Variants in WDR25 observed in about 807,000 individuals in gnomAD.
WDR25 encodes the protein WD repeat domain 25.
Under a neutral mutation model 47.7 loss-of-function variants are expected in WDR25, and 35 were observed. The ratio of observed to expected loss-of-function variants is 0.73; its 90% confidence interval spans 0.56 to 0.97. WDR25 has a LOEUF of 0.97. Ranked by LOEUF, WDR25 falls within the 50% of genes least tolerant of loss-of-function variation. WDR25 has a pLI of 0.00. For synonymous variants in WDR25, 248 were observed against 278.9 expected (o/e 0.89, Z 1.10); for missense variants, 634 against 704.7 (o/e 0.90, Z 1.14).
chr14:100,387,446 C>T (rs1486474973), intron 2 of WDR25, among the ~76,000 whole-genome samples: 2 of 152,152 alleles, frequency 1.3e-5, no homozygotes, highest in Non-Finnish European at 2.9e-5. Flanking sequence ...ATGTACTGAA[C>T]ACTTGGCAGG....
At chr14:100,505,344 A>G (rs908426282) in intron 4 of WDR25, among the ~76,000 whole-genome samples, 1 of 152,190 alleles carries the variant, frequency 6.6e-6, no homozygotes, top group Admixed American at 6.5e-5. Flanking sequence ...TTGAAACGAC[A>G]TTATTTTCCT....
chr14:100,516,391 C>T (rs1014022625), intron 4 of WDR25, among the ~76,000 whole-genome samples: 2 of 152,010 alleles, frequency 1.3e-5, no homozygotes, highest in African/African-American at 2.4e-5. Flanking sequence ...GTTCCTTTCC[C>T]GGTTTGTGTA....
At chr14:100,461,016 C>T (rs1036877141) in intron 2 of WDR25, among the ~76,000 whole-genome samples, 2 of 152,090 alleles carry the variant, frequency 1.3e-5, no homozygotes, top group Admixed American at 6.6e-5. Flanking sequence ...AGTTTGAGAC[C>T]AGCTTGGGCA....
At chr14:100,391,370 G>T (rs1221273971) in intron 2 of WDR25, among the ~76,000 whole-genome samples, 1 of 152,168 alleles carries the variant, frequency 6.6e-6, no homozygotes, top group East Asian at 1.9e-4. Flanking sequence ...GCATATTAAG[G>T]AGCAGCGCCG....
intron 2 of WDR25, among the ~76,000 whole-genome samples, chr14:100,446,643 C>T (rs1040219726): frequency 6.6e-5 from 10 of 151,960 alleles, no homozygotes; most frequent in South Asian, 2.1e-4. Context: ...AAAACAGCAG[C>T]TTGAAATTAA....
chr14:100,515,341 C>T (rs1479512110), intron 4 of WDR25, among the ~76,000 whole-genome samples: 1 of 151,926 alleles, frequency 6.6e-6, no homozygotes, highest in Non-Finnish European at 1.5e-5. Context: ...TCCCCGAAAC[C>T]CCACCCCTCA....
chr14:100,519,876 A>C (rs948716475), intron 4 of WDR25, among the ~76,000 whole-genome samples: 1 of 136,028 alleles, frequency 7.4e-6, no homozygotes, highest in African/African-American at 2.9e-5. Flanking sequence ...TATATACACT[A>C]TATGTATATA....
intron 3 of WDR25, among the ~76,000 whole-genome samples, chr14:100,478,481 G>C (rs891965063): frequency 6.6e-6 from 1 of 152,310 alleles, no homozygotes; most frequent in Non-Finnish European, 1.5e-5. Flanking sequence ...AGTCTTATTT[G>C]AGAACTTCTT....
rs373803493 is a variant in WDR25, at chr14:100,378,044, G to C, written c.-16+1549G>C. On this transcript the variant is annotated intron_variant, in intron 1 of 6. Coordinates refer to ENST00000402312, the MANE Select transcript of WDR25 (RefSeq NM_001161476.3). The stretch of plus-strand genomic sequence containing the variant: ...CCCTCTGCTGTCCTAGGAGTGCCTA[G>C]CACCCTTCTTTTTCTCTGGATTGTG... 2.3e-4 allele frequency among the ~76,000 whole-genome samples: 35 copies of C among 152,304 alleles called. No homozygotes were observed. The East Asian group carries it at 3.9e-3, about 17-fold the overall frequency.
chr14:100,470,898 C>T (rs1308674780), intron 3 of WDR25, among the ~76,000 whole-genome samples: 3 of 152,218 alleles, frequency 2.0e-5, no homozygotes, highest in Non-Finnish European at 4.4e-5. Context: ...AGGACTTCTT[C>T]ACTCCATCCC....
At chr14:100,408,561 T>C (rs1422031156) in intron 2 of WDR25, among the ~76,000 whole-genome samples, 2 of 150,286 alleles carry the variant, frequency 1.3e-5, no homozygotes, top group African/African-American at 4.9e-5. Context: ...TCTCTATAGC[T>C]GAAGGCTAGG....
chr14:100,448,480 C>G lies in WDR25; in HGVS notation c.823-19541C>G, dbSNP rs376697506. On this transcript the variant is annotated intron_variant, in intron 2 of 6. Coordinates refer to ENST00000402312, the MANE Select transcript of WDR25 (RefSeq NM_001161476.3). ...GAAAGAGAAGCACATGCATGCTGGC[C>G]GTGAGTCATGGGCCTGCTAACTTGC... Among the ~76,000 whole-genome samples the G allele has an allele frequency of 1.2e-4, 19 of 152,178 alleles. 1 individual carries two copies. The highest frequency in any genetic ancestry group is 4.6e-4 in the African/African-American group (19 of 41,532).
At chr14:100,391,861 T>A (rs1897153087) in intron 2 of WDR25, among the ~76,000 whole-genome samples, 5 of 152,220 alleles carry the variant, frequency 3.3e-5, no homozygotes, top group Admixed American at 3.3e-4. Flanking sequence ...TATTTGCCTT[T>A]TCCATTCTCC....
chr14:100,477,264 A>G (rs1900048094), intron 3 of WDR25, among the ~76,000 whole-genome samples: 1 of 152,214 alleles, frequency 6.6e-6, no homozygotes, highest in Non-Finnish European at 1.5e-5. Flanking sequence ...ATTGTGTTTT[A>G]AACTTGTTTT....
In WDR25 at chr14:100,501,382, A is replaced by T. The variant is rs112815989; in HGVS notation, c.1101+17258A>T. ...CTCCACGAGCTCATGATAATTGGCCATCATGAGCTGTCTTCAGTTTTGCTA... is the reference window on the plus strand; with the variant it reads ...CTCCACGAGCTCATGATAATTGGCCTTCATGAGCTGTCTTCAGTTTTGCTA... On this transcript the variant is annotated intron_variant, in intron 4 of 6. Coordinates refer to ENST00000402312, the MANE Select transcript of WDR25 (RefSeq NM_001161476.3). Among the ~76,000 whole-genome samples, 1,119 of 152,294 alleles carry T rather than the reference A, an allele frequency of 7.3e-3. 26 individuals are homozygous for T. The highest frequency in any genetic ancestry group is 0.025 in the African/African-American group (1,059 of 41,560).
intron 2 of WDR25, among the ~76,000 whole-genome samples, chr14:100,433,118 C>T (rs193164911): frequency 6.6e-6 from 1 of 152,304 alleles, no homozygotes; most frequent in Admixed American, 6.5e-5. Flanking sequence ...ACTGTACATA[C>T]CTTATTGATA....
intron 1 of WDR25, chr14:100,376,900 A>G (rs1211537558): frequency 4.6e-6 from 2 of 432,046 alleles, no homozygotes; most frequent in Non-Finnish European, 6.7e-6. Flanking sequence ...CATTCCAGAA[A>G]TATTTTTAGA....
At chr14:100,420,205 G>A (rs957147283) in intron 2 of WDR25, among the ~76,000 whole-genome samples, 1 of 152,250 alleles carries the variant, frequency 6.6e-6, no homozygotes, top group Non-Finnish European at 1.5e-5. Context: ...CTGCACATGG[G>A]CCGCAGGCCC....
At position 100,488,241 on chromosome 14, in the gene WDR25, GTACT is replaced by G. The variant is rs898943279; in HGVS notation, c.1101+4123_1101+4126del. Among the ~76,000 whole-genome samples the G allele has an allele frequency of 2.6e-5, 4 of 152,250 alleles. No individual in the cohort carries two copies. Among genetic ancestry groups the G allele is most frequent in the African/African-American group, 9.6e-5 (4 of 41,552 alleles). ...TGTGTTCTGCACAAGCCAGCTGTGC[GTACT>G]TACTTGAAACTGGCTTCCTGCCGCT... On this transcript the variant is annotated intron_variant, in intron 4 of 6. Transcript: ENST00000402312. The surrounding 1 kb of genome is among the most constrained non-coding windows in gnomAD (Gnocchi z 4.2).
Sources: allele counts gnomAD v4.1 joint callset (sites outside exome capture counted in the v4.1 genomes callset), GRCh38; gene constraint gnomAD v4.1.1; non-coding constraint Gnocchi (gnomAD v3.1); transcripts MANE v1.5; gene names NCBI Gene and HGNC (gene_info 2026-07-23, HGNC 2026-07-21).